Variants in KIAA0930 observed in about 807,000 individuals in gnomAD.
The protein encoded by KIAA0930 is KIAA0930.
In KIAA0930, 24 loss-of-function variants were observed where a neutral mutation model predicts 43.9. That is an observed-to-expected ratio of 0.55 (90% confidence interval 0.40 to 0.77). The LOEUF (loss-of-function observed/expected upper bound fraction) is 0.77, where lower values mean the gene tolerates loss of function less well. KIAA0930 is among the 30% of genes least tolerant of loss of function. KIAA0930 has a pLI of 0.00. For synonymous variants in KIAA0930, 259 were observed against 216.4 expected (o/e 1.20, Z -1.73); for missense variants, 461 against 574.2 (o/e 0.80, Z 2.02).
intron 1 of KIAA0930, among the ~76,000 whole-genome samples, chr22:45,220,744 C>T (rs1055113756): frequency 7.9e-5 from 12 of 152,060 alleles, no homozygotes; most frequent in African/African-American, 2.9e-4. Context: ...CCATGCCCAG[C>T]TGTGTTTTGT....
intron 1 of KIAA0930, among the ~76,000 whole-genome samples, chr22:45,214,932 T>C (rs867578988): frequency 3.4e-5 from 5 of 145,538 alleles, no homozygotes; most frequent in African/African-American, 1.3e-4. Context: ...AAAAATAAAA[T>C]TTAGGCCAGG....
chr22:45,240,291 C>G (rs1263868651), intron 1 of KIAA0930, among the ~76,000 whole-genome samples: 1 of 152,244 alleles, frequency 6.6e-6, no homozygotes, highest in Non-Finnish European at 1.5e-5. Flanking sequence ...TACCGCGGTG[C>G]TGAGGGCCCG....
At position 45,200,007 on chromosome 22, in the gene KIAA0930, G is replaced by T; in HGVS notation, c.881C>A (p.Pro294Gln). ...RVTSFSTPPT[P>Q]ERNNRPAFFS... is the part of the protein sequence containing the mutation. ...GAAGGCAGGCCGGTTGTTCCGTTCT[G>T]GGGTGGGGGGTGTGCTGAAGGAGGT... Residue 294 changes from proline (P) to glutamine (Q), a missense_variant, in exon 8 of 10, where the codon CCA (proline) becomes CAA (glutamine). By Grantham distance (76) the Pro-to-Gln change is moderately conservative (BLOSUM62 -1). Transcript: ENST00000336156. 1 of 1,600,578 alleles carries T rather than the reference G, an allele frequency of 6.2e-7. No homozygotes were observed. The highest frequency in any genetic ancestry group is 8.5e-7 in the Non-Finnish European group (1 of 1,173,666).
At chr22:45,197,642 G>T in intron 9 of KIAA0930, 148 bp downstream of exon 9, 1 of 772,676 alleles carries the variant, frequency 1.3e-6, no homozygotes, top group Non-Finnish European at 2.1e-6. Flanking sequence ...CAAAGTCTGA[G>T]ACAAAGAGGC....
chr22:45,237,750 C>T (rs2083895567), intron 1 of KIAA0930, among the ~76,000 whole-genome samples: 1 of 152,168 alleles, frequency 6.6e-6, no homozygotes, highest in African/African-American at 2.4e-5. Flanking sequence ...ACCCTGCCCC[C>T]ACAGCTTGAG....
At chr22:45,203,455 G>A (rs955816364) in intron 6 of KIAA0930, among the ~76,000 whole-genome samples, 7 of 152,122 alleles carry the variant, frequency 4.6e-5, no homozygotes, top group African/African-American at 4.8e-5. Flanking sequence ...GATGGTGCCC[G>A]CTGGGGGAGA....
At chr22:45,228,577 C>A (rs2083817595) in intron 1 of KIAA0930, among the ~76,000 whole-genome samples, 1 of 152,172 alleles carries the variant, frequency 6.6e-6, no homozygotes, top group Non-Finnish European at 1.5e-5. Flanking sequence ...ACAGTGTGAA[C>A]CTTCATTGCC....
At chr22:45,213,975 C>A (rs1025821641) in intron 1 of KIAA0930, among the ~76,000 whole-genome samples, 4 of 151,894 alleles carry the variant, frequency 2.6e-5, no homozygotes, top group Non-Finnish European at 4.4e-5. Context: ...CGCACCATTG[C>A]ACTCCAGCCT....
intron 8 of KIAA0930, 79 bp from the exon 9 acceptor site, chr22:45,198,027 GGCTGAGGCCAAACTCT>G: frequency 6.8e-7 from 1 of 1,462,498 alleles, no homozygotes; most frequent in Non-Finnish European, 9.5e-7. Flanking sequence ...TCCCAGTCCA[GGCTGAGGCCAAACTCT>G]GCTGAGGCCA....
At chr22:45,204,431 C>T (rs911075836) in intron 5 of KIAA0930, among the ~76,000 whole-genome samples, 12 of 152,188 alleles carry the variant, frequency 7.9e-5, no homozygotes, top group African/African-American at 2.2e-4. Flanking sequence ...GCCACCTTCC[C>T]GAGTCATTGC....
chr22:45,200,915 C>G, intron 7 of KIAA0930: 1 of 477,628 alleles, frequency 2.1e-6, no homozygotes, highest in South Asian at 1.5e-5. Context: ...GGAGGAGATG[C>G]CGCTGGAGCT....
chr22:45,200,010 G>A lies in KIAA0930; in HGVS notation c.878C>T (p.Thr293Ile). 6.2e-7 allele frequency: 1 copy of A among 1,600,142 alleles called. No individual in the cohort carries two copies. The highest frequency in any genetic ancestry group is 8.5e-7 in the Non-Finnish European group (1 of 1,173,586). Residue 293 changes from threonine (T) to isoleucine (I), a missense_variant, in exon 8 of 10, where the codon ACC becomes ATC. Physicochemically the swap from Thr to Ile is moderately conservative, Grantham distance 89. Transcript: ENST00000336156. ...ERVTSFSTPP[T>I]PERNNRPAFF... The stretch of plus-strand genomic sequence containing the variant: ...GGCAGGCCGGTTGTTCCGTTCTGGG[G>A]TGGGGGGTGTGCTGAAGGAGGTCAC...
chr22:45,210,716 A>G (rs2083685031), intron 2 of KIAA0930, among the ~76,000 whole-genome samples: 1 of 84,910 alleles, frequency 1.2e-5, no homozygotes, highest in Non-Finnish European at 2.4e-5. Context: ...TCCCATCACC[A>G]GTCAGGCCTC....
At chr22:45,225,297 C>T (rs903440478) in intron 1 of KIAA0930, among the ~76,000 whole-genome samples, 1 of 152,134 alleles carries the variant, frequency 6.6e-6, no homozygotes, top group African/African-American at 2.4e-5. Flanking sequence ...AGGCCCCTGG[C>T]TGCTCTGACG....
chr22:45,229,506 G>A (rs889137610), intron 1 of KIAA0930, among the ~76,000 whole-genome samples: 2 of 152,144 alleles, frequency 1.3e-5, no homozygotes, highest in Non-Finnish European at 1.5e-5. Context: ...CCACACACGA[G>A]GGACTACGCA....
chr22:45,230,381 A>G (rs1342761205), intron 1 of KIAA0930, among the ~76,000 whole-genome samples: 4 of 152,086 alleles, frequency 2.6e-5, no homozygotes, highest in African/African-American at 7.2e-5. Flanking sequence ...AGAAAATAGC[A>G]GAAGCAGGAA....
intron 1 of KIAA0930, among the ~76,000 whole-genome samples, chr22:45,225,423 C>T (rs1223308427): frequency 2.0e-5 from 3 of 152,216 alleles, no homozygotes; most frequent in Admixed American, 1.3e-4. Flanking sequence ...AAACCCCTGC[C>T]TGGTTTCACA....
In KIAA0930 at chr22:45,193,320, T is replaced by C. The variant is rs1452228585; in HGVS notation, c.*3856A>G. Reference sequence around the variant, plus strand: ...AGTTGGCAGATGTTTCGTATGTCTTTAAAGGATTTTGGCCAACAACTTAAA... The same window carrying C: ...AGTTGGCAGATGTTTCGTATGTCTTCAAAGGATTTTGGCCAACAACTTAAA... On this transcript the variant is annotated 3_prime_UTR_variant, in exon 10 of 10. Transcript: ENST00000336156. 1 of 152,192 alleles carries C rather than the reference T, an allele frequency of 6.6e-6. No homozygotes were observed. The allele number at this position is 152,192 out of a possible 1,614,324, so 9.4% of individuals were successfully genotyped here.
At chr22:45,229,513 C>T (rs184214769) in intron 1 of KIAA0930, among the ~76,000 whole-genome samples, 18 of 152,226 alleles carry the variant, frequency 1.2e-4, no homozygotes, top group Non-Finnish European at 2.5e-4. Context: ...CGAGGGACTA[C>T]GCAGTGTCAC....
Sources: allele counts gnomAD v4.1 joint callset (sites outside exome capture counted in the v4.1 genomes callset), GRCh38; gene constraint gnomAD v4.1.1; transcripts MANE v1.5; gene names NCBI Gene and HGNC (gene_info 2026-07-23, HGNC 2026-07-21).